The following RARB variants were observed in gnomAD, a reference collection of about 807,000 sequenced individuals.
The protein encoded by RARB is retinoic acid receptor beta.
Under a neutral mutation model 51.9 loss-of-function variants are expected in RARB, and 17 were observed. The observed-to-expected ratio is 0.33, with a 90% confidence interval of 0.22 to 0.49. The LOEUF is 0.49. Ranked by LOEUF, RARB falls within the 20% of genes least tolerant of loss-of-function variation. The pLI is 0.99. For missense variants in RARB, 369 were observed against 550.8 expected, an observed-to-expected ratio of 0.67 and a Z score of 3.30; for synonymous variants, 215 against 195.4, an observed-to-expected ratio of 1.10 and a Z score of -0.84.
chr3:25,554,763 G>A (rs934639104), intron 3 of RARB, among the ~76,000 whole-genome samples: 1 of 152,054 alleles, frequency 6.6e-6, no homozygotes, highest in South Asian at 2.1e-4. Flanking sequence ...TTACTTTGAG[G>A]GCTGAGAAGT....
At chr3:25,316,370 C>A (rs1399646381) in intron 5 of RARB, among the ~76,000 whole-genome samples, 3 of 151,738 alleles carry the variant, frequency 2.0e-5, no homozygotes, top group African/African-American at 7.3e-5. Context: ...AAAATAAATA[C>A]ATGCAATAAG....
chr3:25,051,409 C>A (rs748729885), intron 2 of RARB, among the ~76,000 whole-genome samples: 1 of 152,100 alleles, frequency 6.6e-6, no homozygotes, highest in Non-Finnish European at 1.5e-5. Context: ...AAAGAACTGT[C>A]TAAAGATGCT....
intron 5 of RARB, among the ~76,000 whole-genome samples, chr3:25,334,081 G>A (rs892673499): frequency 6.6e-6 from 1 of 152,168 alleles, no homozygotes; most frequent in African/African-American, 2.4e-5. Context: ...CTGTTGGTGG[G>A]ACTGTAAACT....
At chr3:25,293,111 C>T (rs913564112) in intron 5 of RARB, among the ~76,000 whole-genome samples, 11 of 152,110 alleles carry the variant, frequency 7.2e-5, no homozygotes, top group Non-Finnish European at 1.0e-4. Flanking sequence ...TGTGCAGTCA[C>T]GCAACCAGAT....
intron 5 of RARB, among the ~76,000 whole-genome samples, chr3:25,203,175 C>G (rs1377455884): frequency 6.6e-6 from 1 of 152,164 alleles, no homozygotes. Flanking sequence ...TGATCCCTTA[C>G]CATTATGCAA....
chr3:25,511,413 G>A (rs1278452769), intron 3 of RARB, among the ~76,000 whole-genome samples: 1 of 152,130 alleles, frequency 6.6e-6, no homozygotes, highest in African/African-American at 2.4e-5. Flanking sequence ...TTACAAGTGT[G>A]AGCCACAGTG....
At chr3:25,131,957 G>A (rs2125333411) in intron 3 of RARB, among the ~76,000 whole-genome samples, 1 of 152,070 alleles carries the variant, frequency 6.6e-6, no homozygotes, top group Non-Finnish European at 1.5e-5. Flanking sequence ...AAGAAGGTGA[G>A]ATTGGTGAAC....
At chr3:24,885,521 C>G (rs1304812906) in intron 2 of RARB, among the ~76,000 whole-genome samples, 1 of 152,118 alleles carries the variant, frequency 6.6e-6, no homozygotes, top group South Asian at 2.1e-4. Context: ...AAGATGTGTT[C>G]ATAGAATTCT....
chr3:25,018,345 C>T (rs1471056228), intron 2 of RARB, among the ~76,000 whole-genome samples: 1 of 152,182 alleles, frequency 6.6e-6, no homozygotes, highest in East Asian at 1.9e-4. Context: ...ATTCTTCCCC[C>T]TCTAATCTCT....
At chr3:24,956,741 T>A (rs1307308900) in intron 2 of RARB, among the ~76,000 whole-genome samples, 1 of 152,232 alleles carries the variant, frequency 6.6e-6, no homozygotes, top group Non-Finnish European at 1.5e-5. Context: ...TTGTAGTGAC[T>A]GATCATGGTC....
chr3:25,535,122 C>A (rs976868796), intron 3 of RARB, among the ~76,000 whole-genome samples: 1 of 152,188 alleles, frequency 6.6e-6, no homozygotes, highest in Non-Finnish European at 1.5e-5. Flanking sequence ...GGTTTTCACT[C>A]CACTATTAGC....
chr3:25,175,714 A>G (rs985896874), intron 5 of RARB, among the ~76,000 whole-genome samples: 6 of 152,298 alleles, frequency 3.9e-5, no homozygotes, highest in Admixed American at 2.6e-4. Flanking sequence ...TCATAGTACT[A>G]TATCATTCCT....
chr3:25,432,126 T>C (rs146373842), intron 1 of RARB, among the ~76,000 whole-genome samples: 2,718 of 152,282 alleles, frequency 0.018, 30 homozygotes, highest in Non-Finnish European at 0.029. Context: ...GGACTTTTCC[T>C]TAAATCGCAA....
At chr3:25,043,810 G>C (rs372798857) in intron 2 of RARB, among the ~76,000 whole-genome samples, 27 of 151,318 alleles carry the variant, frequency 1.8e-4, no homozygotes, top group African/African-American at 6.3e-4. Context: ...CAGGACCATG[G>C]TAGGAGGTTA....
chr3:25,263,277 T>C (rs1253982052), intron 5 of RARB, among the ~76,000 whole-genome samples: 1 of 152,218 alleles, frequency 6.6e-6, no homozygotes, highest in African/African-American at 2.4e-5. Flanking sequence ...TTAATTCATT[T>C]AGTCTTTACA....
chr3:25,549,141 A>G (rs749729343), intron 3 of RARB, among the ~76,000 whole-genome samples: 2 of 152,040 alleles, frequency 1.3e-5, no homozygotes, highest in Non-Finnish European at 1.5e-5. Flanking sequence ...AACAAGCAAT[A>G]GCACTTAAAA....
At chr3:25,302,349 T>C (rs774311685) in intron 5 of RARB, among the ~76,000 whole-genome samples, 10 of 152,236 alleles carry the variant, frequency 6.6e-5, no homozygotes, top group Non-Finnish European at 1.3e-4. Context: ...TTATTCATGA[T>C]TGTAAATAAC....
At chr3:25,489,795 T>G (rs1353409159) in intron 2 of RARB, among the ~76,000 whole-genome samples, 1 of 152,202 alleles carries the variant, frequency 6.6e-6, no homozygotes, top group African/African-American at 2.4e-5. Flanking sequence ...CACTCTAGGT[T>G]TGGGGGGCCT....
chr3:25,355,075 T>G (rs1705692550), intron 5 of RARB, among the ~76,000 whole-genome samples: 1 of 152,098 alleles, frequency 6.6e-6, no homozygotes, highest in African/African-American at 2.4e-5. Flanking sequence ...AAAGATACTA[T>G]TACTGCTTAC....
Sources: allele counts gnomAD v4.1 joint callset (sites outside exome capture counted in the v4.1 genomes callset), GRCh38; gene constraint gnomAD v4.1.1; transcripts MANE v1.5; gene names NCBI Gene and HGNC (gene_info 2026-07-23, HGNC 2026-07-21).